LPA: variants seen among roughly 807,000 people sequenced by gnomAD.
The protein encoded by LPA is lipoprotein(a), also known as apolipoprotein(a).
LPA carries 199 observed loss-of-function variants against 197.9 expected under a neutral mutation model. The ratio of observed to expected loss-of-function variants is 1.01; its 90% CI spans 0.90 to 1.13. LPA has a LOEUF of 1.13. Ranked by LOEUF, LPA falls within the 50% of genes most tolerant of loss-of-function variation. The pLI is 0.00. For synonymous variants in LPA, 715 were observed against 639.5 expected (o/e 1.12, Z -1.78); for missense variants, 1,853 against 1,785.8 (o/e 1.04, Z -0.68).
At chr6:160,601,954 T>C (rs1433835929) in intron 18 of LPA, among the ~76,000 whole-genome samples, 2 of 152,200 alleles carry the variant, frequency 1.3e-5, no homozygotes, top group Non-Finnish European at 2.9e-5. Flanking sequence ...CGGGCAGCTA[T>C]GGAGGACCTC....
chr6:160,591,339 A>T (rs1377398731), intron 22 of LPA, among the ~76,000 whole-genome samples: 4 of 152,240 alleles, frequency 2.6e-5, no homozygotes, highest in Admixed American at 6.5e-5. Context: ...AAGAAAACCG[A>T]GAGAAAACAT....
At chr6:160,659,826 C>T (rs1780193574) in intron 1 of LPA, among the ~76,000 whole-genome samples, 2 of 152,224 alleles carry the variant, frequency 1.3e-5, no homozygotes, top group Admixed American at 6.5e-5. Flanking sequence ...GCTGGAGGTC[C>T]GTGAGAGTCC....
At chr6:160,657,538 A>G (rs1780153026) in intron 1 of LPA, among the ~76,000 whole-genome samples, 1 of 151,644 alleles carries the variant, frequency 6.6e-6, no homozygotes, top group African/African-American at 2.4e-5. Context: ...AGATGAGATT[A>G]CAGTTACGCA....
intron 24 of LPA, among the ~76,000 whole-genome samples, chr6:160,586,833 C>T (rs1778921378): frequency 6.6e-6 from 1 of 152,188 alleles, no homozygotes; most frequent in African/African-American, 2.4e-5. Context: ...TATTGTAACA[C>T]ATTCAAAGTA....
intron 28 of LPA, among the ~76,000 whole-genome samples, chr6:160,560,831 T>C (rs1175450723): frequency 6.6e-6 from 1 of 152,234 alleles, no homozygotes; most frequent in Non-Finnish European, 1.5e-5. Context: ...TTGGTTTTGC[T>C]GTTTTAGTCA....
rs141742152 is a variant in LPA at position 160,554,567 on chromosome 6, C to G, written c.4973+1458G>C. On this transcript the variant is annotated intron_variant, in intron 30 of 38. Coordinates refer to ENST00000316300, the MANE Select transcript of LPA (RefSeq NM_005577.4). The stretch of plus-strand genomic sequence containing the variant: ...TTTTCTGGGGTCTCTACTGAATGCC[C>G]GAGATGTTCAATGAGGTGTCTCTCC... Among the ~76,000 whole-genome samples, 530 of 152,100 alleles carry G rather than the reference C, an allele frequency of 3.5e-3. 2 individuals are homozygous for G. Among genetic ancestry groups the G allele is most frequent in the African/African-American group, 0.012 (510 of 41,496 alleles).
chr6:160,602,979 A>G (rs1202710262), intron 18 of LPA, among the ~76,000 whole-genome samples: 1 of 147,184 alleles, frequency 6.8e-6, no homozygotes, highest in Non-Finnish European at 1.5e-5. Context: ...GTGATGTACA[A>G]AAGTGAATCA....
Position 160,585,042 on chromosome 6 carries a change from A to G in LPA, c.4289+4T>C. ...TCCTTTTATGGCTAACATGATAGAC[A>G]TACGCATTTGGATAGTATAATGGGA... On this transcript the variant is annotated splice_donor_region_variant and intron_variant, in intron 26 of 38. Transcript: ENST00000316300. The G allele has an allele frequency of 7.4e-6, 12 of 1,613,658 alleles. No individual in the cohort carries two copies. Among genetic ancestry groups the G allele is most frequent in the Non-Finnish European group, 1.0e-5 (12 of 1,179,626 alleles).
At chr6:160,564,406 C>T (rs79563112) in intron 28 of LPA, among the ~76,000 whole-genome samples, 15,038 of 152,022 alleles carry the variant, frequency 0.099, 943 homozygotes, top group Non-Finnish European at 0.15. Context: ...TTCTTTGGCA[C>T]TGGATGTTTC....
chr6:160,647,624 A>C (rs1779922180), intron 2 of LPA, among the ~76,000 whole-genome samples: 1 of 152,202 alleles, frequency 6.6e-6, no homozygotes, highest in Non-Finnish European at 1.5e-5. Flanking sequence ...CTCAGAGTTA[A>C]AAACTTTGTG....
In LPA at chr6:160,556,091, G is replaced by A. The variant is rs1778258189; in HGVS notation, c.4907C>T (p.Thr1636Ile). 1 of 1,613,696 alleles carries A rather than the reference G, an allele frequency of 6.2e-7. No individual in the cohort carries two copies. Among genetic ancestry groups the A allele is most frequent in the Non-Finnish European group, 8.5e-7 (1 of 1,179,838 alleles). Residue 1636 changes from threonine (T) to isoleucine (I), a missense_variant, in exon 30 of 39, where the codon ACA (threonine) becomes ATA (isoleucine). Coordinates refer to ENST00000316300, the MANE Select transcript of LPA (RefSeq NM_005577.4). The stretch of plus-strand genomic sequence containing the variant: ...TGTCATGGATGACCAAGATTGACAT[G>A]TCCTTCCTGTGACAGTGGTGGAGAA... ...GTFSTTVTGR[T>I]CQSWSSMTPH... is the part of the protein sequence containing the mutation.
chr6:160,562,163 C>T (rs954380528), intron 28 of LPA, among the ~76,000 whole-genome samples: 10 of 152,206 alleles, frequency 6.6e-5, no homozygotes, highest in Admixed American at 3.3e-4. Context: ...AAAGGGAATG[C>T]TTCCAGCTTC....
At chr6:160,583,234 T>C (rs1778833551) in intron 26 of LPA, among the ~76,000 whole-genome samples, 1 of 152,206 alleles carries the variant, frequency 6.6e-6, no homozygotes, top group Non-Finnish European at 1.5e-5. Flanking sequence ...TTTTGTATGT[T>C]TAGCAAATTT....
chr6:160,599,792 T>A (rs1779203732), intron 19 of LPA, 133 bp from the exon 20 acceptor site: 1 of 938,760 alleles, frequency 1.1e-6, no homozygotes, highest in Non-Finnish European at 1.6e-6. Context: ...AATAGGCAAA[T>A]GGACATGAGA....
intron 27 of LPA, 111 bp from the exon 28 acceptor site, chr6:160,577,406 T>C: frequency 1.0e-6 from 1 of 979,806 alleles, no homozygotes; most frequent in South Asian, 1.4e-5. Context: ...TTACTATTCT[T>C]TTTTCTACTA....
chr6:160,546,770 G>C (rs1262660539), intron 32 of LPA, among the ~76,000 whole-genome samples: 1 of 152,152 alleles, frequency 6.6e-6, no homozygotes, highest in African/African-American at 2.4e-5. Flanking sequence ...CATATCTGGT[G>C]TGAGAAGTGT....
chr6:160,537,247 C>T (rs1203562206), intron 37 of LPA, among the ~76,000 whole-genome samples: 1 of 152,136 alleles, frequency 6.6e-6, no homozygotes, highest in African/African-American at 2.4e-5. Flanking sequence ...CAAAAATATT[C>T]CCTCTCTTGC....
chr6:160,651,932 CAACT>C (rs990238911), intron 1 of LPA, among the ~76,000 whole-genome samples: 3 of 149,110 alleles, frequency 2.0e-5, no homozygotes, highest in African/African-American at 7.4e-5. Context: ...CAATTAGACA[CAACT>C]AACAAAATAA....
intron 29 of LPA, among the ~76,000 whole-genome samples, chr6:160,556,490 G>A (rs950265338): frequency 6.6e-6 from 1 of 152,068 alleles, no homozygotes; most frequent in Non-Finnish European, 1.5e-5. Context: ...AAAACAATGA[G>A]GCAGGAAACC....
Sources: gnomAD v4.1 joint callset for allele counts (sites outside exome capture counted in the v4.1 genomes callset) on GRCh38, gnomAD v4.1.1 for gene constraint, MANE v1.5 for transcripts, NCBI Gene and HGNC (gene_info 2026-07-23, HGNC 2026-07-21) for gene names.